The following GPAT4 variants were observed in gnomAD, a reference collection of about 807,000 sequenced individuals.
GPAT4 encodes glycerol-3-phosphate acyltransferase 4, also known as 1-AGP acyltransferase 6.
GPAT4 carries 17 observed loss-of-function variants against 58.0 expected under a neutral mutation model. The ratio of observed to expected loss-of-function variants is 0.29; its 90% CI spans 0.20 to 0.44. The LOEUF (loss-of-function observed/expected upper bound fraction) is 0.44. Among genes scored for constraint, GPAT4 ranks in the 20% least tolerant of loss-of-function variants. The pLI is 1.00. For missense variants in GPAT4, 377 were observed against 574.5 expected (o/e 0.66, Z 3.51); for synonymous variants, 204 against 210.1 (o/e 0.97, Z 0.25).
At chr8:41,582,450 C>T (rs1802542242) in intron 1 of GPAT4, among the ~76,000 whole-genome samples, 1 of 140,480 alleles carries the variant, frequency 7.1e-6, no homozygotes, top group Non-Finnish European at 1.6e-5. Flanking sequence ...AGTATACACA[C>T]ACACACACAC....
rs761755761 is a variant in GPAT4 at position 41,612,868 on chromosome 8, C to T, written c.819C>T (p.Leu273=). Residue 273 remains leucine (L), a synonymous_variant, in exon 8 of 13, where the codon CTC becomes CTT. Transcript: ENST00000396987. ...AGGTGGGTCAAGTGCACGGGGGACT[C>T]ATGGGTGTGATTCAGAGAGCCATGG... ...YAMVGQVHGG[L]MGVIQRAMVK... is the part of the protein sequence containing the mutation. The T allele has an allele frequency of 2.4e-5, 39 of 1,613,900 alleles. No individual in the cohort carries two copies. In the South Asian group the frequency reaches 3.6e-4, roughly 15 times the overall value.
chr8:41,599,412 T>A, intron 2 of GPAT4, 108 bp downstream of exon 2: 1 of 1,339,548 alleles, frequency 7.5e-7, no homozygotes, highest in Non-Finnish European at 1.0e-6. Context: ...AGGGAGAAAG[T>A]TGGGAGAATG....
chr8:41,619,107 T>C (rs1803679965), intron 12 of GPAT4, 130 bp downstream of exon 12: 5 of 1,131,644 alleles, frequency 4.4e-6, no homozygotes, highest in African/African-American at 1.5e-5. Context: ...AGTTTGACTC[T>C]CCCCGAATTC....
At chr8:41,594,657 T>C (rs1802875682) in intron 1 of GPAT4, among the ~76,000 whole-genome samples, 1 of 151,338 alleles carries the variant, frequency 6.6e-6, no homozygotes, top group Non-Finnish European at 1.5e-5. Flanking sequence ...GCCATTCTCC[T>C]GCCTCAGCCT....
At position 41,624,473 on chromosome 8, in the gene GPAT4, C is replaced by G. The variant is rs1439975057; in HGVS notation, c.*3472C>G. The G allele has an allele frequency of 6.6e-6, 1 of 152,168 alleles. No homozygotes were observed. The highest frequency in any genetic ancestry group is 2.4e-5 in the African/African-American group (1 of 41,420). 9.4% of individuals were successfully genotyped at this position (152,168 alleles called of 1,614,324 possible). A position where few individuals can be genotyped will look rare whatever the true frequency, so the allele number is the denominator to read the frequency against. On this transcript the variant is annotated 3_prime_UTR_variant, in exon 13 of 13. Transcript: ENST00000396987. ...TCTGGGCTATTGCTTGCTAGTGTCC[C>G]CTGATGCATGAAGGATCCCCCCATG... is the stretch of plus-strand genomic sequence containing the variant.
intron 1 of GPAT4, among the ~76,000 whole-genome samples, chr8:41,583,207 A>T (rs1414851546): frequency 6.6e-6 from 1 of 152,072 alleles, no homozygotes; most frequent in Non-Finnish European, 1.5e-5. Flanking sequence ...CCTGGGCCAC[A>T]AAATGAGACT....
chr8:41,597,802 A>AAACAAT (rs1158394852), intron 1 of GPAT4, among the ~76,000 whole-genome samples: 2 of 152,236 alleles, frequency 1.3e-5, no homozygotes, highest in African/African-American at 2.4e-5. Flanking sequence ...ACAAAAACAA[A>AAACAAT]AAGCAAGGTG....
intron 1 of GPAT4, among the ~76,000 whole-genome samples, chr8:41,587,940 C>T (rs1248413487): frequency 6.6e-6 from 1 of 152,242 alleles, no homozygotes; most frequent in Non-Finnish European, 1.5e-5. Context: ...ATCAGAATTT[C>T]TTTGCCATCT....
intron 2 of GPAT4, among the ~76,000 whole-genome samples, chr8:41,607,513 T>C (rs773503767): frequency 6.6e-6 from 1 of 151,960 alleles, no homozygotes; most frequent in Non-Finnish European, 1.5e-5. Context: ...GTATCAGAAT[T>C]GTCAGTACAG....
chr8:41,600,593 T>C (rs1803061563), intron 2 of GPAT4, among the ~76,000 whole-genome samples: 1 of 152,138 alleles, frequency 6.6e-6, no homozygotes, highest in South Asian at 2.1e-4. Flanking sequence ...ATGGTGTTTT[T>C]TTTTTTTACA....
At position 41,624,423 on chromosome 8, in the gene GPAT4, C is replaced by T. The variant is rs1428990687; in HGVS notation, c.*3422C>T. 1.3e-5 allele frequency: 2 copies of T among 152,192 alleles called. No individual in the cohort carries two copies. The highest frequency in any genetic ancestry group is 4.8e-5 in the African/African-American group (2 of 41,422). The allele number at this position is 152,192 out of a possible 1,614,324, so 9.4% of individuals were successfully genotyped here. On this transcript the variant is annotated 3_prime_UTR_variant, in exon 13 of 13. Coordinates refer to ENST00000396987, the MANE Select transcript of GPAT4 (RefSeq NM_178819.4). Reference sequence around the variant, plus strand: ...GTCTCTGAATCCTGCCATTTCCTTCCTGGAATTGGCCAGGAACTTGATTTT... The same window carrying T: ...GTCTCTGAATCCTGCCATTTCCTTCTTGGAATTGGCCAGGAACTTGATTTT...
At chr8:41,590,016 G>A (rs1488451203) in intron 1 of GPAT4, among the ~76,000 whole-genome samples, 1 of 152,220 alleles carries the variant, frequency 6.6e-6, no homozygotes, top group African/African-American at 2.4e-5. Context: ...AAACACAAGA[G>A]CGTGTCTGTA....
chr8:41,580,042 A>G (rs937737784), intron 1 of GPAT4, among the ~76,000 whole-genome samples: 1 of 152,206 alleles, frequency 6.6e-6, no homozygotes, highest in Admixed American at 6.5e-5. Context: ...GCCTTCAGGA[A>G]AGAGAAATGG....
chr8:41,614,529 C>T, intron 9 of GPAT4, 88 bp downstream of exon 9: 3 of 1,335,522 alleles, frequency 2.2e-6, no homozygotes, highest in Non-Finnish European at 3.2e-6. Context: ...GGCCCTCAGC[C>T]CTTGTTGGGG....
At position 41,614,840 on chromosome 8, in the gene GPAT4, G is replaced by T; in HGVS notation, c.968-123G>T. 3 of 763,356 alleles carry T rather than the reference G, an allele frequency of 3.9e-6. No individual in the cohort carries two copies. The South Asian group carries it at 5.4e-5, about 14-fold the overall frequency. The allele number at this position is 763,356 out of a possible 1,614,324, so 47.3% of individuals were successfully genotyped here. On this transcript the variant is annotated intron_variant, in intron 9 of 12. Coordinates refer to ENST00000396987, the MANE Select transcript of GPAT4 (RefSeq NM_178819.4). ...TTGTTTTTAAGTTAGGGAGATGACA[G>T]ATGTATCTTACTGGAGGAACCATTA...
chr8:41,612,358 T>G, intron 7 of GPAT4, 85 bp downstream of exon 7: 1 of 1,364,058 alleles, frequency 7.3e-7, no homozygotes, highest in Non-Finnish European at 1.0e-6. Context: ...ACCCTTCACA[T>G]AAACACATTT....
At chr8:41,604,869 C>G (rs116468540) in intron 2 of GPAT4, among the ~76,000 whole-genome samples, 261 of 152,244 alleles carry the variant, frequency 1.7e-3, no homozygotes, top group African/African-American at 6.1e-3. Context: ...ATTACTGGCT[C>G]TGAAAAAGGC....
At chr8:41,611,625 C>T (rs1241490600) in intron 5 of GPAT4, among the ~76,000 whole-genome samples, 2 of 152,156 alleles carry the variant, frequency 1.3e-5, no homozygotes, top group African/African-American at 2.4e-5. Context: ...ACTGGGGGAA[C>T]GGAGTTCAGC....
chr8:41,596,773 A>T (rs1218071478), intron 1 of GPAT4, among the ~76,000 whole-genome samples: 1 of 152,204 alleles, frequency 6.6e-6, no homozygotes, highest in Non-Finnish European at 1.5e-5. Flanking sequence ...ATGCAACAGG[A>T]CTAGCCGCGG....
Sources: gnomAD v4.1 joint callset for allele counts (sites outside exome capture counted in the v4.1 genomes callset) on GRCh38, gnomAD v4.1.1 for gene constraint, MANE v1.5 for transcripts, NCBI Gene and HGNC (gene_info 2026-07-23, HGNC 2026-07-21) for gene names.